The following LRPPRC variants were observed in gnomAD, a reference collection of about 807,000 sequenced individuals.
LRPPRC encodes the protein leucine rich pentatricopeptide repeat containing.
LRPPRC carries 120 observed loss-of-function variants against 180.3 expected under a neutral mutation model. The observed-to-expected ratio is 0.67, with a 90% CI of 0.57 to 0.77. The LOEUF (loss-of-function observed/expected upper bound fraction) is 0.77. Among genes scored for constraint, LRPPRC ranks in the 30% least tolerant of loss-of-function variants. The pLI, the probability that LRPPRC is intolerant of heterozygous loss-of-function variation, is 0.00. For missense variants in LRPPRC, 2,012 were observed against 1,657.2 expected (o/e 1.21, Z -3.72); for synonymous variants, 723 against 600.0 (o/e 1.21, Z -3.00).
At chr2:43,990,968 C>A (rs1037758409) in intron 1 of LRPPRC, among the ~76,000 whole-genome samples, 2 of 151,988 alleles carry the variant, frequency 1.3e-5, no homozygotes, top group Non-Finnish European at 2.9e-5. Flanking sequence ...GCCTCAGCCT[C>A]CCAAGTAGCT....
At chr2:43,889,954 G>A (rs1670427398) in intron 36 of LRPPRC, 78 bp from the exon 37 acceptor site, 2 of 1,027,398 alleles carry the variant, frequency 1.9e-6, no homozygotes, top group Non-Finnish European at 3.1e-6. Context: ...AGCCACTCAG[G>A]GACGGCTGGA....
At chr2:43,958,648 G>A (rs180819844) in intron 13 of LRPPRC, among the ~76,000 whole-genome samples, 31 of 152,304 alleles carry the variant, frequency 2.0e-4, no homozygotes, top group Admixed American at 2.0e-3. Flanking sequence ...TTAATTTCAT[G>A]TGATCAAATT....
chr2:43,913,380 G>A lies in LRPPRC; in HGVS notation c.3149-822C>T, dbSNP rs919227636. Among the ~76,000 whole-genome samples, 16 of 152,244 alleles carry A rather than the reference G, an allele frequency of 1.1e-4. No homozygotes were observed. The East Asian group carries it at 3.1e-3, about 29-fold the overall frequency. On this transcript the variant is annotated intron_variant, in intron 29 of 37. Coordinates refer to ENST00000260665, the MANE Select transcript of LRPPRC (RefSeq NM_133259.4). ...AGATGGGGCATAAATGAACTATCAC[G>A]TACGGCCTTCTACGAATATAGGGCT...
intron 11 of LRPPRC, 87 bp from the exon 12 acceptor site, chr2:43,963,793 A>C: frequency 1.2e-6 from 1 of 812,836 alleles, no homozygotes; most frequent in Non-Finnish European, 2.2e-6. Context: ...TTATTTTCTG[A>C]ATCACAGTAT....
At chr2:43,968,670 A>C (rs13009669) in intron 11 of LRPPRC, among the ~76,000 whole-genome samples, 57,872 of 151,986 alleles carry the variant, frequency 0.38, 12,393 homozygotes, top group Non-Finnish European at 0.49. Flanking sequence ...TTAGAATAAA[A>C]AACAGTCGAA....
intron 25 of LRPPRC, among the ~76,000 whole-genome samples, chr2:43,927,141 C>G (rs1671908913): frequency 6.6e-6 from 1 of 152,192 alleles, no homozygotes; most frequent in Admixed American, 6.5e-5. Context: ...ATTTCAATCA[C>G]AGCATTATGG....
intron 13 of LRPPRC, among the ~76,000 whole-genome samples, chr2:43,958,239 T>C (rs977263088): frequency 2.0e-5 from 3 of 152,200 alleles, no homozygotes; most frequent in African/African-American, 4.8e-5. Context: ...AATGGGACCA[T>C]GTTATAAGTA....
chr2:43,967,456 T>A (rs1226865628), intron 11 of LRPPRC, among the ~76,000 whole-genome samples: 2 of 152,184 alleles, frequency 1.3e-5, no homozygotes, highest in African/African-American at 4.8e-5. Context: ...CTCAGTAAAG[T>A]TGGCTGGGAA....
intron 1 of LRPPRC, 95 bp downstream of exon 1, chr2:43,995,704 G>A (rs999605116): frequency 3.6e-5 from 42 of 1,172,380 alleles, no homozygotes; most frequent in Non-Finnish European, 4.4e-5. Flanking sequence ...GGAGAAGGGT[G>A]GCGAGCACAG....
In LRPPRC at chr2:43,975,157, A is replaced by T; in HGVS notation, c.798T>A (p.Gly266=). The T allele has an allele frequency of 6.2e-7, 1 of 1,613,540 alleles. No individual in the cohort carries two copies. Among genetic ancestry groups the T allele is most frequent in the Non-Finnish European group, 8.5e-7 (1 of 1,179,666 alleles). The change falls in exon 7 of 38, where the codon GGT becomes GGA. Residue 266 remains glycine, a synonymous_variant. Transcript: ENST00000260665. ...TVMRDAGIEP[G]PDTYLALLNA... is the part of the protein sequence containing the mutation. ...TCAATAATGCGAGGTATGTGTCTGG[A>T]CCAGGCTCAATTCCGGCATCTCTCA...
At chr2:43,955,419 T>C (rs1300505570) in intron 14 of LRPPRC, among the ~76,000 whole-genome samples, 2 of 148,480 alleles carry the variant, frequency 1.3e-5, no homozygotes, top group African/African-American at 2.5e-5. Flanking sequence ...CAATGAGCCA[T>C]GTTCGTACCA....
chr2:43,985,386 T>C (rs1409598645), intron 1 of LRPPRC, among the ~76,000 whole-genome samples: 2 of 152,218 alleles, frequency 1.3e-5, no homozygotes, highest in African/African-American at 4.8e-5. Flanking sequence ...GAGTTCACTG[T>C]GTGTATACAT....
rs2103710180 is a variant in LRPPRC at position 43,973,611 on chromosome 2, A to C, written c.1365T>G (p.Val455=). 1.2e-6 allele frequency: 2 copies of C among 1,610,016 alleles called. No individual in the cohort carries two copies. The change falls in exon 11 of 38, where the codon GTT becomes GTG. Residue 455 remains valine, a synonymous_variant. Coordinates refer to ENST00000260665, the MANE Select transcript of LRPPRC (RefSeq NM_133259.4). ...CGGTAAAAGGCAAAATCTAACCTTG[A>C]ACATTTTTTTCCTTCCGACGTCCAA... ...LLVGRRKEKN[V]QGIIEILKGM...
chr2:43,955,837 G>T (rs1380756122), intron 14 of LRPPRC, among the ~76,000 whole-genome samples: 1 of 152,124 alleles, frequency 6.6e-6, no homozygotes, highest in East Asian at 1.9e-4. Context: ...TGGAAAAACA[G>T]GGTAGACACA....
At chr2:43,980,580 AAGAAAG>A (rs1316762759) in intron 2 of LRPPRC, among the ~76,000 whole-genome samples, 3 of 122,272 alleles carry the variant, frequency 2.5e-5, no homozygotes, top group East Asian at 1.9e-4. Context: ...AGAAGAAAGA[AAGAAAG>A]AGAGAGAGAG....
intron 5 of LRPPRC, 62 bp from the exon 6 acceptor site, chr2:43,976,291 T>C: frequency 1.1e-6 from 1 of 912,218 alleles, no homozygotes. Flanking sequence ...TTACAACATG[T>C]ACAGAATTAG....
In LRPPRC at chr2:43,934,862, C is replaced by G; in HGVS notation, c.2521G>C (p.Ala841Pro). Residue 841 changes from alanine to proline, a missense_variant, in exon 24 of 38, where the codon GCT (alanine) becomes CCT (proline). Physicochemically the swap from Ala to Pro is conservative, Grantham distance 27. Transcript: ENST00000260665. ...VHLEKGDLSTALEVAIDCYEK... is the reference protein window; with the variant it reads ...VHLEKGDLSTPLEVAIDCYEK... Reference sequence around the variant, plus strand: ...TAGCAGTCAATGGCGACCTCAAGAGCAGTAGATAGGTCGCCCCTTAGAAAC... The same window carrying G: ...TAGCAGTCAATGGCGACCTCAAGAGGAGTAGATAGGTCGCCCCTTAGAAAC... 6.2e-7 allele frequency: 1 copy of G among 1,612,990 alleles called. No individual in the cohort carries two copies. The highest frequency in any genetic ancestry group is 8.5e-7 in the Non-Finnish European group (1 of 1,179,188).
At chr2:43,932,122 T>TAAAAAA (rs1672111113) in intron 25 of LRPPRC, among the ~76,000 whole-genome samples, 1 of 9,476 alleles carries the variant, frequency 1.1e-4, no homozygotes, top group Non-Finnish European at 1.5e-4. Flanking sequence ...AGACCCTGTC[T>TAAAAAA]CAAAAAAAAA....
At position 43,918,534 on chromosome 2, in the gene LRPPRC, G is replaced by A; in HGVS notation, c.2897-136C>T. On this transcript the variant is annotated intron_variant, in intron 27 of 37. Coordinates refer to ENST00000260665, the MANE Select transcript of LRPPRC (RefSeq NM_133259.4). ...CTGCCTTTAGGGAAAGGAACCAAAA[G>A]TGACCGTGACCCGAAGTCGAGAAGG... 11 of 713,342 alleles carry A rather than the reference G, an allele frequency of 1.5e-5. No individual in the cohort carries two copies. The South Asian group carries it at 1.7e-4, about 11-fold the overall frequency. The allele number at this position is 713,342 out of a possible 1,614,324, so 44.2% of individuals were successfully genotyped here.
Sources: gnomAD v4.1 joint callset for allele counts (sites outside exome capture counted in the v4.1 genomes callset) on GRCh38, gnomAD v4.1.1 for gene constraint, MANE v1.5 for transcripts, NCBI Gene and HGNC (gene_info 2026-07-23, HGNC 2026-07-21) for gene names.